The following PCLO variants were observed in gnomAD, a reference collection of about 807,000 sequenced individuals.
The protein encoded by PCLO is protein piccolo.
PCLO carries 82 observed loss-of-function variants against 427.5 expected under a neutral mutation model. The ratio of observed to expected loss-of-function variants is 0.19; its 90% CI spans 0.16 to 0.23. The LOEUF is 0.23. Ranked by LOEUF, PCLO falls within the 10% of genes least tolerant of loss-of-function variation. The probability of loss-of-function intolerance (pLI) is 1.00; values close to 1 mark genes in which losing one functional copy is unlikely to be tolerated. For missense variants in PCLO, 6,239 were observed against 6,115.9 expected (o/e 1.02, Z -0.67); for synonymous variants, 2,357 against 2,155.4 (o/e 1.09, Z -2.59).
intron 6 of PCLO, among the ~76,000 whole-genome samples, chr7:82,936,500 T>C (rs905815738): frequency 4.8e-5 from 7 of 145,740 alleles, no homozygotes; most frequent in African/African-American, 1.0e-4. Context: ...ATAGTTATAA[T>C]AATATTTATT....
intron 3 of PCLO, among the ~76,000 whole-genome samples, chr7:83,117,442 A>G (rs759815203): frequency 1.6e-4 from 25 of 152,194 alleles, no homozygotes; most frequent in Non-Finnish European, 2.4e-4. Context: ...TCTCCCACAC[A>G]TCTTGCTGTT....
At chr7:83,098,055 T>C (rs980011205) in intron 3 of PCLO, among the ~76,000 whole-genome samples, 3 of 152,128 alleles carry the variant, frequency 2.0e-5, no homozygotes, top group African/African-American at 7.2e-5. Context: ...AGGAAACAAA[T>C]TGAGAATAAG....
chr7:82,883,635 C>T (rs1021403927), intron 9 of PCLO, among the ~76,000 whole-genome samples: 2 of 152,232 alleles, frequency 1.3e-5, no homozygotes, highest in African/African-American at 4.8e-5. Flanking sequence ...CACACTCATG[C>T]CAAGTTTAAT....
chr7:82,888,953 C>G lies in PCLO; in HGVS notation c.13529-9491G>C, dbSNP rs575705983. 7.3e-5 allele frequency among the ~76,000 whole-genome samples: 11 copies of G among 150,292 alleles called. No homozygotes were observed. In the South Asian group the frequency reaches 1.9e-3, roughly 26 times the overall value. Reference sequence around the variant, plus strand: ...TCGAACCACAAGTTCCCCCCGCCCCCTGCCCCACCCCCGCCAACTCTGCTC... The same window carrying G: ...TCGAACCACAAGTTCCCCCCGCCCCGTGCCCCACCCCCGCCAACTCTGCTC... On this transcript the variant is annotated intron_variant, in intron 9 of 24. Transcript: ENST00000333891.
intron 3 of PCLO, among the ~76,000 whole-genome samples, chr7:83,048,719 T>C (rs1176407870): frequency 6.6e-6 from 1 of 152,152 alleles, no homozygotes; most frequent in Admixed American, 6.6e-5. Context: ...GTGAGATTCA[T>C]CCTTTCCTTT....
intron 3 of PCLO, among the ~76,000 whole-genome samples, chr7:83,113,783 C>G (rs76471921): frequency 6.6e-6 from 1 of 151,676 alleles, no homozygotes; most frequent in Non-Finnish European, 1.5e-5. Context: ...ATATTAAGTG[C>G]TACAAACAAA....
chr7:82,955,211 A>G lies in PCLO; in HGVS notation c.5742T>C (p.Ala1914=). 6.2e-7 allele frequency: 1 copy of G among 1,613,800 alleles called. No individual in the cohort carries two copies. Among genetic ancestry groups the G allele is most frequent in the Non-Finnish European group, 8.5e-7 (1 of 1,179,814 alleles). The part of the protein sequence containing the change: ...KEGSQKALKS[A]EEMYEEMMHK... ...GCATCATTTCTTCATACATCTCCTC[A>G]GCACTTTTTAACGCCTTTTGGCTAC... The change falls in exon 5 of 25, where the codon GCT becomes GCC. Residue 1914 remains alanine (A), a synonymous_variant. Transcript: ENST00000333891.
intron 20 of PCLO, among the ~76,000 whole-genome samples, chr7:82,819,811 C>T (rs55761254): frequency 0.035 from 5,285 of 151,992 alleles, 318 homozygotes; most frequent in African/African-American, 0.12. Context: ...ATAAAAAGAA[C>T]GCAATAGGAA....
rs566175836 is a variant in PCLO at position 83,159,608 on chromosome 7, G to A, written c.248+2737C>T. Among the ~76,000 whole-genome samples the A allele has an allele frequency of 3.9e-5, 6 of 151,964 alleles. No homozygotes were observed. In the East Asian group the frequency reaches 1.2e-3, roughly 29 times the overall value. On this transcript the variant is annotated intron_variant, in intron 1 of 24. Transcript: ENST00000333891. ...TTGGATTAGAATTTTTCTTTCAAAT[G>A]TTAGCAGAAAACAAAATATTTCCCC... is the stretch of plus-strand genomic sequence containing the variant.
At chr7:83,144,731 A>T (rs1791950551) in intron 2 of PCLO, among the ~76,000 whole-genome samples, 1 of 152,122 alleles carries the variant, frequency 6.6e-6, no homozygotes, top group Non-Finnish European at 1.5e-5. Context: ...CATTTACAGG[A>T]TAGATTAACT....
chr7:82,832,224 C>A (rs985720621), intron 16 of PCLO, among the ~76,000 whole-genome samples: 2 of 151,998 alleles, frequency 1.3e-5, no homozygotes, highest in Non-Finnish European at 2.9e-5. Flanking sequence ...TCTAAAACTT[C>A]ACCCTCTTGA....
chr7:82,795,565 G>C (rs568111095), intron 22 of PCLO, among the ~76,000 whole-genome samples: 8 of 152,174 alleles, frequency 5.3e-5, no homozygotes, highest in South Asian at 2.1e-4. Flanking sequence ...TAAGTACAAT[G>C]GTAAGAGTCA....
At chr7:83,036,603 G>A (rs577336262) in intron 3 of PCLO, among the ~76,000 whole-genome samples, 1 of 152,044 alleles carries the variant, frequency 6.6e-6, no homozygotes, top group African/African-American at 2.4e-5. Flanking sequence ...AAATGTGTTG[G>A]GGGGTGACCT....
At position 82,841,274 on chromosome 7, in the gene PCLO, A is replaced by G. The variant is rs536429761; in HGVS notation, c.14097+185T>C. On this transcript the variant is annotated intron_variant, in intron 14 of 24. Coordinates refer to ENST00000333891, the MANE Select transcript of PCLO (RefSeq NM_033026.6). ...CAAAGTATAGAAATACATAGCTATG[A>G]TTGGACTTCATAAAACATATATTTG... Among the ~76,000 whole-genome samples, 17 of 152,180 alleles carry G rather than the reference A, an allele frequency of 1.1e-4. No homozygotes were observed. In the South Asian group the frequency reaches 2.9e-3, roughly 26 times the overall value.
rs1793446904 is a variant in PCLO at position 82,879,364 on chromosome 7, C to A, written c.13627G>T (p.Ala4543Ser). 1 of 1,612,632 alleles carries A rather than the reference C, an allele frequency of 6.2e-7. No homozygotes were observed. The highest frequency in any genetic ancestry group is 8.5e-7 in the Non-Finnish European group (1 of 1,179,148). Reference sequence around the variant, plus strand: ...TCCATAAGCTTCCCCGTCTGTTCCGCACTTCCCCCAGGAAGAATCTTGGCA... The same window carrying A: ...TCCATAAGCTTCCCCGTCTGTTCCGAACTTCCCCCAGGAAGAATCTTGGCA... ...YIAKILPGGSAEQTGKLMEGM... is the reference protein window; with the variant it reads ...YIAKILPGGSSEQTGKLMEGM... The change falls in exon 10 of 25, where the codon GCG becomes TCG. Residue 4543 changes from alanine (A) to serine (S), a missense_variant. This residue lies in a region of PCLO where 877 missense variants were observed against 925.5 expected (regional missense o/e 0.95). Coordinates refer to ENST00000333891, the MANE Select transcript of PCLO (RefSeq NM_033026.6).
rs760662958 is a variant in PCLO, at chr7:82,805,746, C to T, written c.14875G>A (p.Asp4959Asn). The change falls in exon 21 of 25, where the codon GAC (aspartate) becomes AAC (asparagine). Residue 4959 changes from aspartate (D) to asparagine (N), a missense_variant. By Grantham distance (23) the Asp-to-Asn change is conservative (BLOSUM62 1). This residue lies in a region of PCLO where 877 missense variants were observed against 925.5 expected (regional missense o/e 0.95). Transcript: ENST00000333891. ...GCAGTGCTGCTGCTTCCTTCACTGT[C>T]CACGCTATACCCACTGCCAAAGCTG... ...GSSFGSGYSV[D>N]SEGSSSTAGE... The T allele has an allele frequency of 6.2e-7, 1 of 1,612,370 alleles. No homozygotes were observed. The highest frequency in any genetic ancestry group is 8.5e-7 in the Non-Finnish European group (1 of 1,179,206).
chr7:82,888,241 G>A (rs1377098129), intron 9 of PCLO, among the ~76,000 whole-genome samples: 1 of 152,124 alleles, frequency 6.6e-6, no homozygotes, highest in Admixed American at 6.6e-5. Flanking sequence ...GAACACACTT[G>A]TACTGAGGGT....
rs1393265734 is a variant in PCLO at position 82,805,778 on chromosome 7, G to A, written c.14843C>T (p.Ser4948Leu). Residue 4948 changes from serine (S) to leucine (L), a missense_variant, in exon 21 of 25, where the codon TCG (serine) becomes TTG (leucine). Physicochemically the swap from Ser to Leu is moderately radical, Grantham distance 145. This residue lies in a region of PCLO where 877 missense variants were observed against 925.5 expected (regional missense o/e 0.95). Transcript: ENST00000333891. The stretch of plus-strand genomic sequence containing the variant: ...ATACCCACTGCCAAAGCTGCTGCCC[G>A]AGGAGCCGGTGGACACAGAGCTTTC... ...PAESSVSTGS[S>L]GSSFGSGYSV... The A allele has an allele frequency of 5.0e-6, 8 of 1,609,758 alleles. No homozygotes were observed. The East Asian group carries it at 6.7e-5, about 13-fold the overall frequency.
chr7:82,850,517 C>T (rs980661410), intron 10 of PCLO, among the ~76,000 whole-genome samples: 4 of 152,064 alleles, frequency 2.6e-5, no homozygotes, highest in Non-Finnish European at 5.9e-5. Context: ...ATATTGTATG[C>T]TCCTTAAATG....
Sources: allele counts gnomAD v4.1 joint callset (sites outside exome capture counted in the v4.1 genomes callset), GRCh38; gene constraint gnomAD v4.1.1; regional missense constraint gnomAD v4.1.1; transcripts MANE v1.5; gene names NCBI Gene and HGNC (gene_info 2026-07-23, HGNC 2026-07-21).